Variants in GPC5 observed in about 807,000 individuals in gnomAD.
The protein encoded by GPC5 is glypican 5, also known as glypican-5.
GPC5 carries 47 observed loss-of-function variants against 53.9 expected under a neutral mutation model. That is an observed-to-expected ratio of 0.87 (90% CI 0.69 to 1.11). GPC5 has a LOEUF of 1.11. Among genes scored for constraint, GPC5 ranks in the 50% most tolerant of loss-of-function variants. GPC5 has a pLI of 0.00. For synonymous variants in GPC5, 286 were observed against 263.3 expected (o/e 1.09, Z -0.84); for missense variants, 748 against 713.1 (o/e 1.05, Z -0.56).
intron 7 of GPC5, among the ~76,000 whole-genome samples, chr13:92,823,325 G>A (rs947280965): frequency 2.4e-4 from 37 of 152,008 alleles, no homozygotes; most frequent in Non-Finnish European, 3.1e-4. Flanking sequence ...ATGACATAAT[G>A]TATATAAAAT....
chr13:91,820,022 T>G (rs1414797545), intron 5 of GPC5, among the ~76,000 whole-genome samples: 1 of 152,224 alleles, frequency 6.6e-6, no homozygotes, highest in Admixed American at 6.5e-5. Context: ...CAAAGCATTT[T>G]CTTGAATATT....
intron 5 of GPC5, among the ~76,000 whole-genome samples, chr13:91,792,628 T>C (rs2037984669): frequency 6.6e-6 from 1 of 152,170 alleles, no homozygotes; most frequent in Admixed American, 6.5e-5. Flanking sequence ...TAGCAGGGTA[T>C]TTTTTTCTAA....
At chr13:92,771,935 G>A (rs780281493) in intron 7 of GPC5, among the ~76,000 whole-genome samples, 1 of 151,840 alleles carries the variant, frequency 6.6e-6, no homozygotes, top group African/African-American at 2.4e-5. Context: ...CTCAACTAAG[G>A]CCTTAAATCT....
At chr13:92,259,626 A>T (rs2042751283) in intron 7 of GPC5, among the ~76,000 whole-genome samples, 1 of 152,134 alleles carries the variant, frequency 6.6e-6, no homozygotes, top group Non-Finnish European at 1.5e-5. Flanking sequence ...ACTAATAGAG[A>T]ATTAAAGAGA....
intron 6 of GPC5, among the ~76,000 whole-genome samples, chr13:91,910,521 C>G (rs1396108207): frequency 6.6e-6 from 1 of 152,026 alleles, no homozygotes; most frequent in African/African-American, 2.4e-5. Context: ...ATGAAAAATG[C>G]CATCTCTCAC....
intron 5 of GPC5, among the ~76,000 whole-genome samples, chr13:91,872,848 T>C (rs2039162540): frequency 6.6e-6 from 1 of 152,192 alleles, no homozygotes; most frequent in African/African-American, 2.4e-5. Flanking sequence ...TATTTGGTAC[T>C]GCAGTGGTGT....
chr13:92,819,886 T>A (rs1318232462), intron 7 of GPC5, among the ~76,000 whole-genome samples: 1 of 152,208 alleles, frequency 6.6e-6, no homozygotes, highest in Non-Finnish European at 1.5e-5. Context: ...CTGCCTCCTT[T>A]CTTGTTAGGA....
rs200147844 is a variant in GPC5 at position 92,845,136 on chromosome 13, G to GA, written c.1562-21136dup. 4.0e-3 allele frequency among the ~76,000 whole-genome samples: 584 copies of GA among 146,600 alleles called. 3 individuals are homozygous for GA. The highest frequency in any genetic ancestry group is 0.012 in the African/African-American group (495 of 40,074). ...GCTGAATACATTGTGATCTATAAGGGAAAAAAAAAAGATGCTTTATATGTG... is the reference window on the plus strand; with the variant it reads ...GCTGAATACATTGTGATCTATAAGGGAAAAAAAAAAAGATGCTTTATATGTG... On this transcript the variant is annotated intron_variant, in intron 7 of 7. Coordinates refer to ENST00000377067, the MANE Select transcript of GPC5 (RefSeq NM_004466.6).
At chr13:91,786,541 A>C (rs2037882167) in intron 5 of GPC5, among the ~76,000 whole-genome samples, 2 of 152,220 alleles carry the variant, frequency 1.3e-5, no homozygotes, top group South Asian at 4.1e-4. Flanking sequence ...TACGTGTTTA[A>C]AAAAACATTT....
At chr13:92,298,980 T>C (rs1477777031) in intron 7 of GPC5, among the ~76,000 whole-genome samples, 1 of 152,234 alleles carries the variant, frequency 6.6e-6, no homozygotes, top group Admixed American at 6.5e-5. Flanking sequence ...ATAATTTTTT[T>C]GAATAGAAAT....
chr13:92,511,192 A>G (rs1201689026), intron 7 of GPC5, among the ~76,000 whole-genome samples: 2 of 152,098 alleles, frequency 1.3e-5, no homozygotes, highest in African/African-American at 4.8e-5. Context: ...TATTTTAATT[A>G]TTCTGGCTTT....
At chr13:91,583,083 G>T (rs1038432307) in intron 2 of GPC5, among the ~76,000 whole-genome samples, 1 of 152,100 alleles carries the variant, frequency 6.6e-6, no homozygotes, top group Non-Finnish European at 1.5e-5. Context: ...GATAAAGATA[G>T]CTATAAAGGA....
chr13:91,899,342 C>T (rs1323928381), intron 5 of GPC5, among the ~76,000 whole-genome samples: 2 of 151,784 alleles, frequency 1.3e-5, no homozygotes, highest in Non-Finnish European at 2.9e-5. Flanking sequence ...TTTCTTGTGG[C>T]CAACTGAATT....
chr13:91,933,634 G>A (rs1009115022), intron 6 of GPC5, among the ~76,000 whole-genome samples: 2 of 151,768 alleles, frequency 1.3e-5, no homozygotes, highest in African/African-American at 4.8e-5. Context: ...TATTAGCTAG[G>A]GAAGCTGTGT....
At chr13:92,482,187 C>G (rs904373644) in intron 7 of GPC5, among the ~76,000 whole-genome samples, 1 of 152,120 alleles carries the variant, frequency 6.6e-6, no homozygotes, top group East Asian at 1.9e-4. Context: ...ACACACTGCC[C>G]CATATCCTTT....
intron 5 of GPC5, among the ~76,000 whole-genome samples, chr13:91,801,477 C>T (rs545392364): frequency 6.6e-6 from 1 of 151,972 alleles, no homozygotes; most frequent in South Asian, 2.1e-4. Context: ...CATGTTGTTC[C>T]CCTGTGAAAA....
At chr13:91,599,311 A>G (rs1211385896) in intron 2 of GPC5, among the ~76,000 whole-genome samples, 1 of 152,154 alleles carries the variant, frequency 6.6e-6, no homozygotes, top group Non-Finnish European at 1.5e-5. Context: ...TACTAAAAAT[A>G]TAACTACTCT....
At chr13:92,477,050 A>ATAAATAAAT (rs546198693) in intron 7 of GPC5, among the ~76,000 whole-genome samples, 1 of 149,488 alleles carries the variant, frequency 6.7e-6, no homozygotes, top group African/African-American at 2.5e-5. Flanking sequence ...ATAATAATAA[A>ATAAATAAAT]AAATAAATAA....
intron 2 of GPC5, among the ~76,000 whole-genome samples, chr13:91,468,320 C>A (rs1237226852): frequency 6.6e-6 from 1 of 152,068 alleles, no homozygotes; most frequent in Non-Finnish European, 1.5e-5. Flanking sequence ...TTTTGTGTCC[C>A]CACCCTGCCA....
Sources: gnomAD v4.1 joint callset for allele counts (sites outside exome capture counted in the v4.1 genomes callset) on GRCh38, gnomAD v4.1.1 for gene constraint, MANE v1.5 for transcripts, NCBI Gene and HGNC (gene_info 2026-07-23, HGNC 2026-07-21) for gene names.